FHIT: variants seen among roughly 807,000 people sequenced by gnomAD.
The protein encoded by FHIT is fragile histidine triad diadenosine triphosphatase, also known as bis(5'-adenosyl)-triphosphatase.
A neutral mutation model predicts 17.9 loss-of-function variants in FHIT; 19 were observed. That is an observed-to-expected ratio of 1.06 (90% CI 0.74 to 1.56). The LOEUF (loss-of-function observed/expected upper bound fraction) is 1.56. FHIT is among the 40% of genes most tolerant of loss of function. FHIT has a pLI of 0.00. For missense variants in FHIT, 248 were observed against 189.2 expected, an observed-to-expected ratio of 1.31 and a Z score of -1.82; for synonymous variants, 81 against 69.7, an observed-to-expected ratio of 1.16 and a Z score of -0.81.
chr3:60,140,598 G>A (rs1438421844), intron 5 of FHIT, among the ~76,000 whole-genome samples: 1 of 136,462 alleles, frequency 7.3e-6, no homozygotes, highest in Non-Finnish European at 1.6e-5. Flanking sequence ...TTTTTTTTGA[G>A]ACAGAGTTTC....
chr3:60,263,194 T>C (rs1230249940), intron 5 of FHIT, among the ~76,000 whole-genome samples: 3 of 151,870 alleles, frequency 2.0e-5, no homozygotes, highest in Non-Finnish European at 4.4e-5. Context: ...AGACTGACAA[T>C]ATCAAGTGTT....
intron 2 of FHIT, among the ~76,000 whole-genome samples, chr3:61,126,068 T>C (rs999389887): frequency 6.6e-6 from 1 of 152,262 alleles, no homozygotes; most frequent in East Asian, 1.9e-4. Context: ...GGTTGGGACC[T>C]CTGTGGTCCA....
intron 3 of FHIT, among the ~76,000 whole-genome samples, chr3:60,840,766 G>A (rs73836185): frequency 6.9e-4 from 105 of 152,292 alleles, no homozygotes; most frequent in African/African-American, 2.5e-3. Flanking sequence ...CAAGGAGACT[G>A]ACGTTTTCTG....
At chr3:59,787,641 A>G (rs555043564) in intron 8 of FHIT, among the ~76,000 whole-genome samples, 1 of 152,290 alleles carries the variant, frequency 6.6e-6, no homozygotes, top group African/African-American at 2.4e-5. Context: ...TTCTGAGATG[A>G]TAATAGTTAC....
At chr3:59,946,606 G>C (rs1005697369) in intron 7 of FHIT, among the ~76,000 whole-genome samples, 1 of 152,142 alleles carries the variant, frequency 6.6e-6, no homozygotes, top group Non-Finnish European at 1.5e-5. Flanking sequence ...CAGTTCTCAA[G>C]GGGAATGCTT....
At chr3:60,127,568 T>G (rs1004119069) in intron 5 of FHIT, among the ~76,000 whole-genome samples, 8 of 152,144 alleles carry the variant, frequency 5.3e-5, no homozygotes, top group African/African-American at 1.9e-4. Flanking sequence ...TACATCTTAT[T>G]TTTTATGCTT....
intron 5 of FHIT, among the ~76,000 whole-genome samples, chr3:60,114,298 T>A (rs1348369822): frequency 1.3e-5 from 2 of 150,130 alleles, no homozygotes; most frequent in Admixed American, 6.7e-5. Context: ...AATTTAAAAA[T>A]CTCCAACTCC....
chr3:60,436,380 A>G (rs768511630), intron 5 of FHIT, among the ~76,000 whole-genome samples: 3 of 152,052 alleles, frequency 2.0e-5, no homozygotes, highest in Admixed American at 6.6e-5. Context: ...CAGTTTATCA[A>G]TGATAGGCAT....
intron 3 of FHIT, among the ~76,000 whole-genome samples, chr3:60,974,110 G>C (rs776436276): frequency 6.6e-6 from 1 of 152,042 alleles, no homozygotes; most frequent in Non-Finnish European, 1.5e-5. Context: ...TAACTCAGGT[G>C]GACATTAGTT....
chr3:60,100,891 A>T (rs1704163762), intron 5 of FHIT, among the ~76,000 whole-genome samples: 1 of 152,184 alleles, frequency 6.6e-6, no homozygotes, highest in Admixed American at 6.5e-5. Flanking sequence ...ACCAAGAACC[A>T]CTTGACCTTT....
At chr3:60,051,084 A>C (rs1202819998) in intron 5 of FHIT, among the ~76,000 whole-genome samples, 1 of 152,136 alleles carries the variant, frequency 6.6e-6, no homozygotes, top group African/African-American at 2.4e-5. Flanking sequence ...TGCTCTGCTA[A>C]AGTAAGGAAG....
At chr3:61,208,762 CTT>C (rs1185780688) in intron 1 of FHIT, among the ~76,000 whole-genome samples, 1 of 151,970 alleles carries the variant, frequency 6.6e-6, no homozygotes, top group African/African-American at 2.4e-5. Flanking sequence ...GGTCTTGACT[CTT>C]TATCCAATTT....
chr3:60,303,834 C>CT (rs1211546618), intron 5 of FHIT, among the ~76,000 whole-genome samples: 2 of 152,158 alleles, frequency 1.3e-5, no homozygotes, highest in Admixed American at 6.5e-5. Context: ...CCAACCCACT[C>CT]TGACTTCTAC....
intron 8 of FHIT, among the ~76,000 whole-genome samples, chr3:59,853,604 TA>T (rs1325228036): frequency 2.0e-5 from 3 of 152,244 alleles, no homozygotes; most frequent in Non-Finnish European, 2.9e-5. Flanking sequence ...GATGATGTTT[TA>T]AATTAAGAAG....
At chr3:59,837,065 T>G (rs1260070710) in intron 8 of FHIT, among the ~76,000 whole-genome samples, 3 of 152,152 alleles carry the variant, frequency 2.0e-5, no homozygotes, top group Non-Finnish European at 4.4e-5. Context: ...AAGAGTTCAG[T>G]TTTTTGGATT....
At chr3:60,177,128 T>C (rs1701712610) in intron 5 of FHIT, among the ~76,000 whole-genome samples, 1 of 152,112 alleles carries the variant, frequency 6.6e-6, no homozygotes, top group Non-Finnish European at 1.5e-5. Flanking sequence ...TGTGAATTTA[T>C]GTACAAAACC....
intron 5 of FHIT, among the ~76,000 whole-genome samples, chr3:60,379,575 G>C (rs1053622090): frequency 5.3e-5 from 8 of 152,092 alleles, no homozygotes; most frequent in African/African-American, 1.7e-4. Context: ...AACAAGTTTG[G>C]TATGCCATTT....
chr3:59,903,583 CCT>C (rs572123613), intron 8 of FHIT, among the ~76,000 whole-genome samples: 4 of 152,088 alleles, frequency 2.6e-5, no homozygotes, highest in East Asian at 1.9e-4. Context: ...ACTTTTCACC[CCT>C]GTTATTCTGA....
chr3:61,094,833 TTCACTTCC>T (rs2035589704), intron 2 of FHIT, among the ~76,000 whole-genome samples: 1 of 152,284 alleles, frequency 6.6e-6, no homozygotes, highest in South Asian at 2.1e-4. Context: ...AAAGGGATGA[TTCACTTCC>T]TCACAATGGA....
Sources: allele counts gnomAD v4.1 joint callset (sites outside exome capture counted in the v4.1 genomes callset), GRCh38; gene constraint gnomAD v4.1.1; transcripts MANE v1.5; gene names NCBI Gene and HGNC (gene_info 2026-07-23, HGNC 2026-07-21).